TENM2: variants seen among roughly 807,000 people sequenced by gnomAD.
TENM2 encodes the protein teneurin-2.
A neutral mutation model predicts 245.2 loss-of-function variants in TENM2; 52 were observed. The observed-to-expected ratio is 0.21, with a 90% CI of 0.17 to 0.27. The LOEUF is 0.27. Among genes scored for constraint, TENM2 ranks in the 10% least tolerant of loss-of-function variants. The pLI is 1.00. For synonymous variants in TENM2, 1,363 were observed against 1,438.9 expected (o/e 0.95, Z 1.19); for missense variants, 3,046 against 3,666.8 (o/e 0.83, Z 4.37).
intron 4 of TENM2, among the ~76,000 whole-genome samples, chr5:167,982,151 T>A (rs960816050): frequency 6.6e-6 from 1 of 152,210 alleles, no homozygotes; most frequent in African/African-American, 2.4e-5. Flanking sequence ...AGGCTGCTCC[T>A]GCTGCCTGGG....
At chr5:167,933,830 A>G (rs1438297471) in intron 3 of TENM2, among the ~76,000 whole-genome samples, 2 of 152,200 alleles carry the variant, frequency 1.3e-5, no homozygotes, top group African/African-American at 4.8e-5. Context: ...CCACCCCGGT[A>G]TGGTCACTGT....
At chr5:167,881,159 T>C (rs1448709265) in intron 3 of TENM2, among the ~76,000 whole-genome samples, 2 of 152,210 alleles carry the variant, frequency 1.3e-5, no homozygotes, top group African/African-American at 4.8e-5. Context: ...CTCTGAGATA[T>C]TGTAAATTTT....
the TENM2 span, among the ~76,000 whole-genome samples, chr5:167,158,587 T>G: frequency 6.6e-6 from 1 of 152,204 alleles, no homozygotes; most frequent in Non-Finnish European, 1.5e-5. Context: ...TGGTGCAGTC[T>G]GGTAAGGACC....
upstream of TENM2, chr5:167,284,754 A>G (rs1771240125): frequency 1.8e-5 from 18 of 1,017,534 alleles, no homozygotes; most frequent in South Asian, 2.2e-4. Flanking sequence ...TTTTTCTTCT[A>G]TGTTTTCAGG....
chr5:167,374,123 A>G (rs986989641), intron 1 of TENM2, among the ~76,000 whole-genome samples: 1 of 152,228 alleles, frequency 6.6e-6, no homozygotes, highest in Admixed American at 6.5e-5. Flanking sequence ...CATTACATAT[A>G]CATACCTAAC....
the TENM2 span, among the ~76,000 whole-genome samples, chr5:167,239,948 A>G: frequency 6.6e-6 from 1 of 151,994 alleles, no homozygotes; most frequent in Admixed American, 6.6e-5. Flanking sequence ...ACTTTTTTGT[A>G]TTTTTAGTAG....
At chr5:167,814,277 A>C (rs996502451) in intron 2 of TENM2, among the ~76,000 whole-genome samples, 2 of 152,070 alleles carry the variant, frequency 1.3e-5, no homozygotes, top group Non-Finnish European at 2.9e-5. Flanking sequence ...ATTTTAACAC[A>C]TTCAAGCATC....
chr5:167,790,075 T>C (rs1764842120), intron 2 of TENM2, among the ~76,000 whole-genome samples: 1 of 152,182 alleles, frequency 6.6e-6, no homozygotes, highest in Non-Finnish European at 1.5e-5. Context: ...GTTCTTTGAG[T>C]GTACTTTTTG....
intron 2 of TENM2, among the ~76,000 whole-genome samples, chr5:167,801,107 AAAATATATATATATATATAT>A (rs1177664997): frequency 1.6e-5 from 1 of 63,756 alleles, no homozygotes; most frequent in Non-Finnish European, 2.8e-5. Flanking sequence ...AAAAAAAAAA[AAAATATATATATATATATAT>A]ATATATATAT....
chr5:168,116,079 C>T (rs1162313312), intron 9 of TENM2, among the ~76,000 whole-genome samples: 2 of 152,170 alleles, frequency 1.3e-5, no homozygotes, highest in South Asian at 2.1e-4. Flanking sequence ...TTCATATTTG[C>T]ATGTTCCCTA....
intron 13 of TENM2, among the ~76,000 whole-genome samples, chr5:168,176,975 T>C (rs1759415321): frequency 6.6e-6 from 1 of 152,244 alleles, no homozygotes; most frequent in African/African-American, 2.4e-5. Context: ...TCATCTGTAT[T>C]ATTGACTTGG....
intron 2 of TENM2, among the ~76,000 whole-genome samples, chr5:167,569,207 C>T (rs1188371090): frequency 1.4e-5 from 2 of 147,372 alleles, no homozygotes; most frequent in Non-Finnish European, 3.0e-5. Context: ...TGATGATTTT[C>T]GTGGAAAACG....
chr5:168,129,567 G>T (rs1036759700), intron 12 of TENM2: 1 of 152,192 alleles, frequency 6.6e-6, no homozygotes, highest in Non-Finnish European at 1.5e-5. Context: ...TCTCCTCATA[G>T]TTATGTTCAC....
intron 13 of TENM2, among the ~76,000 whole-genome samples, chr5:168,172,645 C>T (rs1380817464): frequency 6.6e-6 from 1 of 152,222 alleles, no homozygotes; most frequent in Admixed American, 6.5e-5. Flanking sequence ...AGTGCTTGAA[C>T]AACCTCCGCC....
chr5:167,929,508 T>C (rs1778118570), intron 3 of TENM2, among the ~76,000 whole-genome samples: 1 of 152,174 alleles, frequency 6.6e-6, no homozygotes, highest in Non-Finnish European at 1.5e-5. Flanking sequence ...AAGTCATCTG[T>C]CTCTCTTACT....
chr5:167,541,193 G>A (rs1174130018), intron 2 of TENM2, among the ~76,000 whole-genome samples: 1 of 152,110 alleles, frequency 6.6e-6, no homozygotes. Context: ...GAAGAAAGTA[G>A]CTAGCAAAAA....
In TENM2 at chr5:167,990,800, T is replaced by C. The variant is rs568748668; in HGVS notation, c.948-2144T>C. The stretch of plus-strand genomic sequence containing the variant: ...TTTTCTGACATGATTGTCAGTCATA[T>C]TGGGTTTGTTTGATCTCTGTGAAGG... On this transcript the variant is annotated intron_variant, in intron 4 of 28. Transcript: ENST00000518659. Among the ~76,000 whole-genome samples the C allele has an allele frequency of 1.1e-4, 17 of 152,348 alleles. No individual in the cohort carries two copies. In the South Asian group the frequency reaches 3.3e-3, roughly 30 times the overall value.
the TENM2 span, among the ~76,000 whole-genome samples, chr5:167,254,821 T>C: frequency 6.6e-6 from 1 of 152,138 alleles, no homozygotes; most frequent in East Asian, 1.9e-4. Context: ...GAGACATCCA[T>C]GCAAAACTCT....
chr5:167,698,597 T>C (rs1421285999), intron 2 of TENM2, among the ~76,000 whole-genome samples: 1 of 152,154 alleles, frequency 6.6e-6, no homozygotes, highest in African/African-American at 2.4e-5. Flanking sequence ...CTTCCATTGC[T>C]TGAAAATGCA....
Sources: gnomAD v4.1 joint callset for allele counts (sites outside exome capture counted in the v4.1 genomes callset) on GRCh38, gnomAD v4.1.1 for gene constraint, MANE v1.5 for transcripts, NCBI Gene and HGNC (gene_info 2026-07-23, HGNC 2026-07-21) for gene names.